Variants in NAALADL2 observed in about 807,000 individuals in gnomAD.
NAALADL2 encodes N-acetylated alpha-linked acidic dipeptidase like 2, also known as inactive N-acetylated-alpha-linked acidic dipeptidase-like protein 2.
Under a neutral mutation model 87.2 loss-of-function variants are expected in NAALADL2, and 76 were observed. The observed-to-expected ratio is 0.87, with a 90% CI of 0.72 to 1.05. NAALADL2 has a LOEUF of 1.05. Ranked by LOEUF, NAALADL2 falls within the 50% of genes least tolerant of loss-of-function variation. The pLI, the probability that NAALADL2 is intolerant of heterozygous loss-of-function variation, is 0.00. For synonymous variants in NAALADL2, 354 were observed against 331.0 expected (o/e 1.07, Z -0.75); for missense variants, 1,089 against 945.8 (o/e 1.15, Z -1.99).
At chr3:175,590,984 A>G (rs941497479) in intron 10 of NAALADL2, among the ~76,000 whole-genome samples, 1 of 151,372 alleles carries the variant, frequency 6.6e-6, no homozygotes, top group African/African-American at 2.4e-5. Context: ...TGGGCATGCC[A>G]CCCCTTCAAA....
chr3:175,551,581 T>C (rs541068027), intron 9 of NAALADL2, among the ~76,000 whole-genome samples: 1 of 152,314 alleles, frequency 6.6e-6, no homozygotes, highest in South Asian at 2.1e-4. Context: ...TATTCTCCAC[T>C]GTACCACTTT....
chr3:174,708,394 C>G (rs1342756812), intron 2 of NAALADL2, among the ~76,000 whole-genome samples: 1 of 152,234 alleles, frequency 6.6e-6, no homozygotes, highest in African/African-American at 2.4e-5. Context: ...CATGCTTGAT[C>G]CATTTGAGAA....
In NAALADL2 at chr3:174,463,075, A is replaced by G. The variant is rs1176734955; in HGVS notation, c.-184+22043A>G. Among the ~76,000 whole-genome samples, 32 of 152,326 alleles carry G rather than the reference A, an allele frequency of 2.1e-4. No individual in the cohort carries two copies. The East Asian group carries it at 2.1e-3, about 10-fold the overall frequency. Reference sequence around the variant, plus strand: ...GAATCACCTTCTTTAGAAGAATGCTATGTAAAACAAACCATTGTACAGAGT... The same window carrying G: ...GAATCACCTTCTTTAGAAGAATGCTGTGTAAAACAAACCATTGTACAGAGT... On this transcript the variant is annotated intron_variant, in intron 1 of 3. Coordinates refer to the NAALADL2 transcript ENST00000434257.
At chr3:175,204,238 T>G (rs184498162) in intron 2 of NAALADL2, among the ~76,000 whole-genome samples, 109 of 152,258 alleles carry the variant, frequency 7.2e-4, no homozygotes, top group Middle Eastern at 3.4e-3. Context: ...ATGAAAAAGA[T>G]AATCTGCCAT....
At chr3:175,642,782 A>G (rs934998702) in intron 11 of NAALADL2, among the ~76,000 whole-genome samples, 4 of 152,074 alleles carry the variant, frequency 2.6e-5, no homozygotes, top group Admixed American at 6.5e-5. Context: ...TTACAGGTGT[A>G]AGCCACCGCG....
chr3:175,439,057 T>G (rs1229067792), intron 5 of NAALADL2, among the ~76,000 whole-genome samples: 1 of 152,154 alleles, frequency 6.6e-6, no homozygotes, highest in African/African-American at 2.4e-5. Context: ...TATGCCTTTG[T>G]GTCCTCATAG....
At chr3:175,198,479 T>C (rs936989616) in intron 2 of NAALADL2, among the ~76,000 whole-genome samples, 1 of 152,098 alleles carries the variant, frequency 6.6e-6, no homozygotes, top group African/African-American at 2.4e-5. Context: ...TAGTTACATA[T>C]GTATAAATAA....
At chr3:174,968,070 T>C (rs1338060524) in intron 1 of NAALADL2, among the ~76,000 whole-genome samples, 2 of 152,198 alleles carry the variant, frequency 1.3e-5, no homozygotes, top group African/African-American at 4.8e-5. Context: ...CATAGGAGTA[T>C]TGTAGACTAC....
At chr3:174,807,886 T>A (rs190282432) in intron 3 of NAALADL2, among the ~76,000 whole-genome samples, 9 of 144,554 alleles carry the variant, frequency 6.2e-5, no homozygotes, top group African/African-American at 2.0e-4. Context: ...TGTGTGTGTG[T>A]GTGAGAGAGA....
chr3:175,753,805 G>C (rs1746903952), intron 12 of NAALADL2, among the ~76,000 whole-genome samples: 1 of 152,048 alleles, frequency 6.6e-6, no homozygotes, highest in Non-Finnish European at 1.5e-5. Flanking sequence ...TTTCCCTTTT[G>C]CCCAGGACTT....
intron 3 of NAALADL2, among the ~76,000 whole-genome samples, chr3:174,814,853 C>G (rs1487871268): frequency 6.6e-6 from 1 of 152,112 alleles, no homozygotes; most frequent in Non-Finnish European, 1.5e-5. Context: ...CCTTCGGTTG[C>G]AAGCTATGTT....
chr3:175,624,724 C>G (rs1726738944), intron 10 of NAALADL2, among the ~76,000 whole-genome samples: 1 of 151,848 alleles, frequency 6.6e-6, no homozygotes, highest in South Asian at 2.1e-4. Context: ...TTGAAGAAAG[C>G]CTAAAATATG....
chr3:175,289,446 T>C (rs1755383878), intron 4 of NAALADL2, among the ~76,000 whole-genome samples: 1 of 152,056 alleles, frequency 6.6e-6, no homozygotes, highest in African/African-American at 2.4e-5. Context: ...AGAGAGAACC[T>C]TGACCCTGAA....
chr3:174,855,037 C>G (rs925651995), upstream of NAALADL2, among the ~76,000 whole-genome samples: 3 of 151,894 alleles, frequency 2.0e-5, no homozygotes, highest in African/African-American at 7.3e-5. Context: ...TGGTGTTTCA[C>G]CATGTTGGCC....
chr3:175,025,374 G>A (rs1304978021), intron 1 of NAALADL2, among the ~76,000 whole-genome samples: 1 of 152,134 alleles, frequency 6.6e-6, no homozygotes, highest in Non-Finnish European at 1.5e-5. Context: ...CACCTTTAAA[G>A]TCAATCATGT....
At chr3:175,439,241 T>C (rs1027513017) in intron 5 of NAALADL2, among the ~76,000 whole-genome samples, 1 of 152,170 alleles carries the variant, frequency 6.6e-6, no homozygotes, top group African/African-American at 2.4e-5. Flanking sequence ...TCCTCATTGA[T>C]TGATGGGCAT....
intron 1 of NAALADL2, among the ~76,000 whole-genome samples, chr3:174,994,191 C>T (rs895609072): frequency 7.6e-4 from 115 of 152,240 alleles, no homozygotes; most frequent in African/African-American, 2.6e-3. Flanking sequence ...AATAGCAGGT[C>T]AGTATCCAGT....
intron 2 of NAALADL2, among the ~76,000 whole-genome samples, chr3:175,161,386 G>A (rs554255267): frequency 6.6e-6 from 1 of 152,204 alleles, no homozygotes; most frequent in African/African-American, 2.4e-5. Context: ...GTTAAGAAAT[G>A]GCCACACGAA....
intron 13 of NAALADL2, among the ~76,000 whole-genome samples, chr3:175,763,829 C>T (rs1748342546): frequency 6.6e-6 from 1 of 151,414 alleles, no homozygotes; most frequent in African/African-American, 2.4e-5. Flanking sequence ...CCTCCCCATT[C>T]TAACACACAC....
Sources: allele counts gnomAD v4.1 joint callset (sites outside exome capture counted in the v4.1 genomes callset), GRCh38; gene constraint gnomAD v4.1.1; transcripts MANE v1.5; gene names NCBI Gene and HGNC (gene_info 2026-07-23, HGNC 2026-07-21).